Variants in SEMA3D observed in about 807,000 individuals in gnomAD.
SEMA3D encodes the protein semaphorin 3D, also known as semaphorin-3D.
A neutral mutation model predicts 100.1 loss-of-function variants in SEMA3D; 84 were observed. That is an observed-to-expected ratio of 0.84 (90% CI 0.70 to 1.01). The LOEUF (loss-of-function observed/expected upper bound fraction) is 1.01. Ranked by LOEUF, SEMA3D falls within the 50% of genes least tolerant of loss-of-function variation. The pLI, the probability that SEMA3D is intolerant of heterozygous loss-of-function variation, is 0.00. For synonymous variants in SEMA3D, 312 were observed against 320.7 expected (o/e 0.97, Z 0.29); for missense variants, 875 against 934.1 (o/e 0.94, Z 0.82).
intron 4 of SEMA3D, among the ~76,000 whole-genome samples, chr7:85,083,846 CA>C (rs1302315425): frequency 4.2e-4 from 43 of 102,514 alleles, no homozygotes; most frequent in Admixed American, 6.9e-4. Flanking sequence ...GACTCCGTCT[CA>C]AAAAAAAAAA....
intron 8 of SEMA3D, among the ~76,000 whole-genome samples, chr7:85,059,673 T>C (rs1313008188): frequency 2.6e-5 from 4 of 152,158 alleles, no homozygotes; most frequent in Non-Finnish European, 5.9e-5. Flanking sequence ...TTAAAAGGAA[T>C]ACCAATATGA....
At chr7:85,096,341 A>G (rs1291883331) in intron 4 of SEMA3D, among the ~76,000 whole-genome samples, 1 of 152,076 alleles carries the variant, frequency 6.6e-6, no homozygotes, top group East Asian at 1.9e-4. Context: ...AGAATGGAGG[A>G]CAAACTTTCA....
At chr7:85,087,136 C>T (rs1165836321) in intron 4 of SEMA3D, among the ~76,000 whole-genome samples, 1 of 152,162 alleles carries the variant, frequency 6.6e-6, no homozygotes, top group African/African-American at 2.4e-5. Context: ...AGCACATGGC[C>T]CTGTTTCTAA....
intron 7 of SEMA3D, among the ~76,000 whole-genome samples, chr7:85,067,746 T>C (rs1392614563): frequency 1.3e-5 from 2 of 152,162 alleles, no homozygotes; most frequent in Middle Eastern, 3.2e-3. Flanking sequence ...AATCAGGTTA[T>C]AGTGAAATTG....
the SEMA3D span, among the ~76,000 whole-genome samples, chr7:85,248,448 T>C: frequency 0.011 from 1,712 of 152,276 alleles, 30 homozygotes; most frequent in Non-Finnish European, 0.017. Flanking sequence ...ATTCTTACCA[T>C]ATGATCCAGC....
Position 85,100,014 on chromosome 7 carries a change from T to C in SEMA3D, c.152-2049A>G, listed in dbSNP as rs887810112. Among the ~76,000 whole-genome samples, 5 of 151,932 alleles carry C rather than the reference T, an allele frequency of 3.3e-5. 1 individual carries two copies. The highest frequency in any genetic ancestry group is 2.6e-4 in the Admixed American group (4 of 15,200). ...CATCCTAATTTTGATAGTATTTAGA[T>C]TGATGCCTGTGTTTGGAGAATTGAA... On this transcript the variant is annotated intron_variant, in intron 3 of 18. Coordinates refer to ENST00000284136, the MANE Select transcript of SEMA3D (RefSeq NM_001384900.1).
chr7:85,016,787 CTTTT>C (rs35691304), intron 15 of SEMA3D, among the ~76,000 whole-genome samples: 6 of 132,362 alleles, frequency 4.5e-5, no homozygotes, highest in Non-Finnish European at 8.0e-5. Context: ...TTTTCAATGG[CTTTT>C]TTTTTTTTTT....
chr7:85,175,840 G>C (rs1318360329), intron 1 of SEMA3D, among the ~76,000 whole-genome samples: 1 of 151,972 alleles, frequency 6.6e-6, no homozygotes, highest in African/African-American at 2.4e-5. Flanking sequence ...CGGAGATAGT[G>C]TGGTCAAAAC....
At chr7:85,092,368 G>T (rs1372237564) in intron 4 of SEMA3D, among the ~76,000 whole-genome samples, 9 of 151,886 alleles carry the variant, frequency 5.9e-5, no homozygotes, top group Admixed American at 5.3e-4. Flanking sequence ...GCTAATAATA[G>T]ATACTCAATG....
intron 4 of SEMA3D, among the ~76,000 whole-genome samples, chr7:85,094,929 CA>C (rs1788505528): frequency 6.6e-6 from 1 of 151,052 alleles, no homozygotes; most frequent in South Asian, 2.1e-4. Context: ...TCCTTCCTCT[CA>C]AAAAAATTTT....
intron 7 of SEMA3D, among the ~76,000 whole-genome samples, chr7:85,066,889 C>T (rs756578464): frequency 4.9e-4 from 66 of 135,936 alleles, no homozygotes; most frequent in African/African-American, 1.4e-3. Flanking sequence ...AGGAAATGTG[C>T]GCTCACACAC....
At chr7:85,227,394 T>C in the SEMA3D span, among the ~76,000 whole-genome samples, 62 of 152,220 alleles carry the variant, frequency 4.1e-4, no homozygotes, top group Non-Finnish European at 7.2e-4. Context: ...TTAGTGCCAG[T>C]ATAAAGGACA....
At chr7:85,122,174 G>A (rs935773982) in intron 2 of SEMA3D, among the ~76,000 whole-genome samples, 13 of 150,798 alleles carry the variant, frequency 8.6e-5, no homozygotes, top group African/African-American at 3.2e-4. Context: ...ACCATGGCAC[G>A]TGTACACCTA....
intron 12 of SEMA3D, 83 bp downstream of exon 12, chr7:85,036,806 T>A (rs1790710106): frequency 8.9e-7 from 1 of 1,126,502 alleles, no homozygotes; most frequent in African/African-American, 1.6e-5. Context: ...GTGGCTCTGG[T>A]GAATAGCAGA....
chr7:85,026,497 C>T (rs535886526), intron 12 of SEMA3D, among the ~76,000 whole-genome samples: 1 of 152,108 alleles, frequency 6.6e-6, no homozygotes, highest in African/African-American at 2.4e-5. Flanking sequence ...CTCAGGTACA[C>T]AAATGGGAAG....
At chr7:85,056,199 C>T (rs761934695) in intron 8 of SEMA3D, among the ~76,000 whole-genome samples, 8 of 151,870 alleles carry the variant, frequency 5.3e-5, no homozygotes, top group Admixed American at 2.6e-4. Context: ...CTTTCATAAA[C>T]GGCTTAGGAA....
rs12530882 is a variant in SEMA3D at position 85,152,064 on chromosome 7, A to T, written c.-41+1544T>A. On this transcript the variant is annotated intron_variant, in intron 2 of 18. Coordinates refer to ENST00000284136, the MANE Select transcript of SEMA3D (RefSeq NM_001384900.1). The stretch of plus-strand genomic sequence containing the variant: ...CACTGTACAATTTTGTCTCCCTTTG[A>T]TTTATTAACCATTTATCTCTTCCTT... Among the ~76,000 whole-genome samples, 595 of 151,966 alleles carry T rather than the reference A, an allele frequency of 3.9e-3. 12 individuals are homozygous for T. The highest frequency in any genetic ancestry group is 0.03 in the Admixed American group (463 of 15,232).
At chr7:85,228,300 G>A in the SEMA3D span, among the ~76,000 whole-genome samples, 8 of 152,136 alleles carry the variant, frequency 5.3e-5, no homozygotes, top group South Asian at 4.1e-4. Context: ...GATAAAAATC[G>A]CGAAAGAAAC....
chr7:85,197,308 G>C, the SEMA3D span, among the ~76,000 whole-genome samples: 2 of 152,192 alleles, frequency 1.3e-5, no homozygotes, highest in East Asian at 3.9e-4. Context: ...TTGCCTCTAA[G>C]GGCAGCCACT....
Sources: allele counts gnomAD v4.1 joint callset (sites outside exome capture counted in the v4.1 genomes callset), GRCh38; gene constraint gnomAD v4.1.1; transcripts MANE v1.5; gene names NCBI Gene and HGNC (gene_info 2026-07-23, HGNC 2026-07-21).